The following KCNN2 variants were observed in gnomAD, a reference collection of about 807,000 sequenced individuals.
KCNN2 encodes potassium calcium-activated channel subfamily N member 2, also known as small conductance calcium-activated potassium channel protein 2.
A neutral mutation model predicts 55.5 loss-of-function variants in KCNN2; 24 were observed. The observed-to-expected ratio is 0.43, with a 90% CI of 0.31 to 0.61. KCNN2 has a LOEUF of 0.61. Among genes scored for constraint, KCNN2 ranks in the 20% least tolerant of loss-of-function variants. The pLI is 0.08. For missense variants in KCNN2, 754 were observed against 853.6 expected (o/e 0.88, Z 1.45); for synonymous variants, 431 against 336.1 (o/e 1.28, Z -3.09).
At chr5:114,378,300 A>T (rs975261108) in intron 2 of KCNN2, among the ~76,000 whole-genome samples, 2 of 152,216 alleles carry the variant, frequency 1.3e-5, no homozygotes, top group Non-Finnish European at 2.9e-5. Context: ...CAAAATGAAA[A>T]ATATTTGCTT....
chr5:114,366,612 G>A (rs758409437), intron 2 of KCNN2, among the ~76,000 whole-genome samples: 3 of 152,238 alleles, frequency 2.0e-5, no homozygotes, highest in Non-Finnish European at 2.9e-5. Context: ...AGAGAAGAGC[G>A]TCAGCAGGGC....
At chr5:114,214,156 T>C (rs1753952097) in intron 1 of KCNN2, among the ~76,000 whole-genome samples, 1 of 151,204 alleles carries the variant, frequency 6.6e-6, no homozygotes, top group South Asian at 2.1e-4. Flanking sequence ...AATAGTTTCA[T>C]ATGCCATAGC....
intron 2 of KCNN2, among the ~76,000 whole-genome samples, chr5:114,248,804 A>G (rs752525149): frequency 6.6e-6 from 1 of 152,186 alleles, no homozygotes; most frequent in Non-Finnish European, 1.5e-5. Flanking sequence ...ATATTAACAA[A>G]TTTTTTTAAG....
intron 1 of KCNN2, among the ~76,000 whole-genome samples, chr5:114,090,101 C>A (rs1157334171): frequency 1.3e-5 from 2 of 152,126 alleles, no homozygotes; most frequent in Non-Finnish European, 2.9e-5. Flanking sequence ...CTATACTATA[C>A]TGTCATTCCA....
At chr5:114,390,049 G>A (rs907324970) in intron 2 of KCNN2, among the ~76,000 whole-genome samples, 1 of 152,094 alleles carries the variant, frequency 6.6e-6, no homozygotes, top group Non-Finnish European at 1.5e-5. Flanking sequence ...GGGCAAATGA[G>A]ATAATAACTA....
intron 2 of KCNN2, among the ~76,000 whole-genome samples, chr5:114,243,125 T>G (rs1754678324): frequency 2.6e-5 from 4 of 152,204 alleles, no homozygotes. Flanking sequence ...TATTTTATAC[T>G]GCATAAAAAG....
intron 2 of KCNN2, among the ~76,000 whole-genome samples, chr5:114,281,415 A>G (rs1286756869): frequency 6.6e-6 from 1 of 152,142 alleles, no homozygotes; most frequent in Admixed American, 6.6e-5. Flanking sequence ...TCTGGCAATT[A>G]TATTAAATTT....
At chr5:114,413,380 G>A (rs1397430119) in intron 3 of KCNN2, among the ~76,000 whole-genome samples, 2 of 152,142 alleles carry the variant, frequency 1.3e-5, no homozygotes, top group African/African-American at 2.4e-5. Context: ...TGCCTCCTGC[G>A]TTCAAGCGAT....
chr5:114,421,652 C>T (rs954418485), intron 3 of KCNN2, among the ~76,000 whole-genome samples: 1 of 151,998 alleles, frequency 6.6e-6, no homozygotes, highest in African/African-American at 2.4e-5. Flanking sequence ...TCTTGTTACC[C>T]AGGCTGGAGT....
At chr5:114,258,641 A>G (rs994990573) in intron 2 of KCNN2, among the ~76,000 whole-genome samples, 29 of 152,128 alleles carry the variant, frequency 1.9e-4, no homozygotes, top group African/African-American at 6.8e-4. Context: ...AGATGCGCAT[A>G]CTATTGAACT....
intron 1 of KCNN2, among the ~76,000 whole-genome samples, chr5:114,199,923 C>A (rs1292807959): frequency 6.6e-6 from 1 of 151,938 alleles, no homozygotes; most frequent in Non-Finnish European, 1.5e-5. Context: ...AGATGTTTTT[C>A]TCTTGCTAAT....
chr5:114,486,789 A>T (rs1747568730), intron 5 of KCNN2: 1 of 1,345,026 alleles, frequency 7.4e-7, no homozygotes, highest in Admixed American at 2.4e-5. Flanking sequence ...AATAAAAAAG[A>T]AGTTTCCTGA....
At chr5:114,365,884 C>T (rs892735258) in intron 2 of KCNN2, among the ~76,000 whole-genome samples, 2 of 151,932 alleles carry the variant, frequency 1.3e-5, no homozygotes, top group Non-Finnish European at 2.9e-5. Flanking sequence ...GTGTTATTGC[C>T]TGTTCCTTGT....
At chr5:114,086,341 G>A (rs943713070) in intron 1 of KCNN2, among the ~76,000 whole-genome samples, 2 of 151,750 alleles carry the variant, frequency 1.3e-5, no homozygotes, top group Non-Finnish European at 1.5e-5. Flanking sequence ...TAGGTTTACT[G>A]TGTGATGCTG....
chr5:114,358,005 G>C (rs1259028658), upstream of KCNN2, among the ~76,000 whole-genome samples: 2 of 151,000 alleles, frequency 1.3e-5, no homozygotes, highest in African/African-American at 4.9e-5. Context: ...ACTGGTGTGA[G>C]ATGGTATCTC....
intron 1 of KCNN2, among the ~76,000 whole-genome samples, chr5:114,063,960 T>C (rs1446524420): frequency 6.6e-6 from 1 of 152,236 alleles, no homozygotes; most frequent in Admixed American, 6.5e-5. Context: ...CAATGCCAGC[T>C]AGAGCCTTCA....
At chr5:114,414,565 C>G (rs1439282038) in intron 3 of KCNN2, among the ~76,000 whole-genome samples, 3 of 152,086 alleles carry the variant, frequency 2.0e-5, no homozygotes, top group South Asian at 2.1e-4. Flanking sequence ...TGTTTTGTCT[C>G]TCATTCAAAA....
intron 5 of KCNN2, among the ~76,000 whole-genome samples, chr5:114,483,169 C>G (rs76650683): frequency 6.6e-6 from 1 of 151,280 alleles, no homozygotes; most frequent in Non-Finnish European, 1.5e-5. Flanking sequence ...AACCGTGAGT[C>G]GCAATATAAT....
At chr5:114,207,440 C>A (rs777160729) in intron 1 of KCNN2, among the ~76,000 whole-genome samples, 12 of 152,172 alleles carry the variant, frequency 7.9e-5, no homozygotes, top group Non-Finnish European at 1.5e-4. Flanking sequence ...TTTTCTTTGT[C>A]CATACCTGGT....
Sources: allele counts gnomAD v4.1 joint callset (sites outside exome capture counted in the v4.1 genomes callset), GRCh38; gene constraint gnomAD v4.1.1; transcripts MANE v1.5; gene names NCBI Gene and HGNC (gene_info 2026-07-23, HGNC 2026-07-21).